GRIN2B: variants seen among roughly 807,000 people sequenced by gnomAD.
GRIN2B encodes the protein glutamate ionotropic receptor NMDA type subunit 2B, also known as glutamate receptor ionotropic, NMDA 2B.
In GRIN2B, 5 loss-of-function variants were observed where a neutral mutation model predicts 114.5. The ratio of observed to expected loss-of-function variants is 0.04; its 90% CI spans 0.02 to 0.09. The LOEUF is 0.09. Among genes scored for constraint, GRIN2B ranks in the 10% least tolerant of loss-of-function variants. The probability of loss-of-function intolerance (pLI) is 1.00; values close to 1 mark genes in which losing one functional copy is unlikely to be tolerated. For synonymous variants in GRIN2B, 787 were observed against 745.1 expected, an observed-to-expected ratio of 1.06 and a Z score of -0.92; for missense variants, 1,108 against 1,943.5, an observed-to-expected ratio of 0.57 and a Z score of 8.08.
At chr12:13,696,880 C>A (rs1041322804) in intron 4 of GRIN2B, among the ~76,000 whole-genome samples, 8 of 152,150 alleles carry the variant, frequency 5.3e-5, no homozygotes, top group Non-Finnish European at 1.0e-4. Flanking sequence ...TCTCCCCCAC[C>A]AAGCCCTTTG....
chr12:13,754,906 C>T (rs1412500356), intron 3 of GRIN2B, among the ~76,000 whole-genome samples: 1 of 152,132 alleles, frequency 6.6e-6, no homozygotes, highest in African/African-American at 2.4e-5. Flanking sequence ...TGTGTTTCAC[C>T]TGCTGTTCTG....
intron 4 of GRIN2B, among the ~76,000 whole-genome samples, chr12:13,735,728 C>T (rs1272402366): frequency 6.6e-6 from 1 of 152,132 alleles, no homozygotes; most frequent in Non-Finnish European, 1.5e-5. Flanking sequence ...TTTCTGAAAT[C>T]CCTCCTTCTC....
chr12:13,697,310 G>GA (rs962714756), intron 4 of GRIN2B, among the ~76,000 whole-genome samples: 15 of 150,254 alleles, frequency 1.0e-4, no homozygotes, highest in East Asian at 3.9e-4. Flanking sequence ...AATGTGATTA[G>GA]AAAAAAAAAC....
At chr12:13,923,613 A>G (rs1364916013) in intron 2 of GRIN2B, among the ~76,000 whole-genome samples, 1 of 152,228 alleles carries the variant, frequency 6.6e-6, no homozygotes, top group Non-Finnish European at 1.5e-5. Flanking sequence ...GACGTTTACT[A>G]AAAGTGAATC....
At chr12:13,643,944 T>G (rs933656546) in intron 5 of GRIN2B, among the ~76,000 whole-genome samples, 6 of 152,174 alleles carry the variant, frequency 3.9e-5, no homozygotes, top group African/African-American at 1.4e-4. Context: ...AGTTAACTCC[T>G]CCACTGAAGT....
chr12:13,634,466 A>G (rs1029839505), intron 5 of GRIN2B, among the ~76,000 whole-genome samples: 9 of 152,332 alleles, frequency 5.9e-5, no homozygotes, highest in Admixed American at 5.2e-4. Context: ...AGACTCTGCC[A>G]TCTTCAACAG....
intron 2 of GRIN2B, among the ~76,000 whole-genome samples, chr12:13,898,969 C>A (rs2136784965): frequency 6.6e-6 from 1 of 152,246 alleles, no homozygotes; most frequent in South Asian, 2.1e-4. Context: ...CTACCACTAC[C>A]AATTACTGAG....
At chr12:13,951,460 C>T (rs1867477846) in intron 2 of GRIN2B, among the ~76,000 whole-genome samples, 1 of 152,066 alleles carries the variant, frequency 6.6e-6, no homozygotes, top group Non-Finnish European at 1.5e-5. Context: ...TGAAGAAGTC[C>T]CCTCGGGCAA....
At position 13,726,547 on chromosome 12, in the gene GRIN2B, A is replaced by AAT. The variant is rs951888324; in HGVS notation, c.1010+26768_1010+26769dup. Among the ~76,000 whole-genome samples, 175 of 147,594 alleles carry AAT rather than the reference A, an allele frequency of 1.2e-3. 1 individual carries two copies. Among genetic ancestry groups the AAT allele is most frequent in the Non-Finnish European group, 1.7e-3 (117 of 67,086 alleles). On this transcript the variant is annotated intron_variant, in intron 4 of 13. Coordinates refer to ENST00000609686, the MANE Select transcript of GRIN2B (RefSeq NM_000834.5). Reference sequence around the variant, plus strand: ...GAGACTCTGTCAAAAAAAAGAAAGAAATATATATATATATTTATATATTAT... The same window carrying AAT: ...GAGACTCTGTCAAAAAAAAGAAAGAAATATATATATATATATTTATATATTAT...
At chr12:13,784,073 A>C (rs956894081) in intron 3 of GRIN2B, among the ~76,000 whole-genome samples, 5 of 151,802 alleles carry the variant, frequency 3.3e-5, no homozygotes, top group African/African-American at 1.2e-4. Context: ...AACTACAAAA[A>C]ATTAGCCGGG....
At chr12:13,587,319 ATTTTC>A (rs557127720) in intron 10 of GRIN2B, among the ~76,000 whole-genome samples, 10 of 143,916 alleles carry the variant, frequency 6.9e-5, no homozygotes, top group African/African-American at 2.3e-4. Flanking sequence ...CCTGATGTAC[ATTTTC>A]TTTTCTTTTC....
chr12:13,979,590 A>C (rs139410966), intron 2 of GRIN2B, among the ~76,000 whole-genome samples: 127 of 151,944 alleles, frequency 8.4e-4, no homozygotes, highest in African/African-American at 3.0e-3. Context: ...GTTCTGGGTG[A>C]ATAAAATGCT....
chr12:13,850,741 T>G (rs533697272), intron 3 of GRIN2B, among the ~76,000 whole-genome samples: 27 of 152,192 alleles, frequency 1.8e-4, no homozygotes, highest in Non-Finnish European at 2.9e-4. Context: ...GGCTAAATGC[T>G]TGATGTCCCA....
chr12:13,709,957 A>C (rs1950398498), intron 4 of GRIN2B, among the ~76,000 whole-genome samples: 1 of 152,050 alleles, frequency 6.6e-6, no homozygotes, highest in African/African-American at 2.4e-5. Flanking sequence ...ATATGTCCAC[A>C]AAAGCATATA....
intron 9 of GRIN2B, chr12:13,609,869 T>C (rs574071380): frequency 3.3e-5 from 5 of 152,398 alleles, no homozygotes; most frequent in African/African-American, 9.6e-5. Flanking sequence ...AAGCTGCTTT[T>C]GACTTTGATT....
At chr12:13,961,028 G>C (rs1035892996) in intron 2 of GRIN2B, among the ~76,000 whole-genome samples, 6 of 152,208 alleles carry the variant, frequency 3.9e-5, no homozygotes, top group Admixed American at 1.3e-4. Flanking sequence ...TGTGAACAAA[G>C]GCTGGTCATG....
intron 5 of GRIN2B, among the ~76,000 whole-genome samples, chr12:13,634,770 T>C (rs1176176561): frequency 2.0e-5 from 3 of 152,170 alleles, no homozygotes; most frequent in Non-Finnish European, 4.4e-5. Context: ...GGGACAGTTT[T>C]ATTTATTTAC....
intron 5 of GRIN2B, among the ~76,000 whole-genome samples, chr12:13,626,436 GTCA>G (rs1239058390): frequency 2.0e-5 from 3 of 152,130 alleles, no homozygotes; most frequent in Non-Finnish European, 4.4e-5. Context: ...AGGTTACCTT[GTCA>G]TTACTCTCTA....
chr12:13,547,593 G>A lies in GRIN2B; in HGVS notation c.*15190C>T, dbSNP rs914071868. On this transcript the variant is annotated 3_prime_UTR_variant, in exon 14 of 14. Coordinates refer to ENST00000609686, the MANE Select transcript of GRIN2B (RefSeq NM_000834.5). ...AAAGAGAATAAAAAAGAAAGGAAAG[G>A]AGAAAACAATAATTGGCCTAGGAGA... The A allele has an allele frequency of 5.3e-5, 8 of 152,176 alleles. No individual in the cohort carries two copies. Among genetic ancestry groups the A allele is most frequent in the Non-Finnish European group, 1.2e-4 (8 of 68,036 alleles). The allele number at this position is 152,176 out of a possible 1,614,324, so 9.4% of individuals were successfully genotyped here. A position where few individuals can be genotyped will look rare whatever the true frequency, so the allele number is the denominator to read the frequency against.
Sources: gnomAD v4.1 joint callset for allele counts (sites outside exome capture counted in the v4.1 genomes callset) on GRCh38, gnomAD v4.1.1 for gene constraint, MANE v1.5 for transcripts, NCBI Gene and HGNC (gene_info 2026-07-23, HGNC 2026-07-21) for gene names.